The following CSMD1 variants were observed in gnomAD, a reference collection of about 807,000 sequenced individuals.
The protein encoded by CSMD1 is CUB and sushi domain-containing protein 1.
A neutral mutation model predicts 417.5 loss-of-function variants in CSMD1; 213 were observed. The ratio of observed to expected loss-of-function variants is 0.51; its 90% CI spans 0.46 to 0.57. The LOEUF (loss-of-function observed/expected upper bound fraction) is 0.57, where lower values mean the gene tolerates loss of function less well. Ranked by LOEUF, CSMD1 falls within the 20% of genes least tolerant of loss-of-function variation. The probability of loss-of-function intolerance (pLI) is 0.00; values close to 1 mark genes in which losing one functional copy is unlikely to be tolerated. For missense variants in CSMD1, 6,923 were observed against 4,529.7 expected (o/e 1.53, Z -15.17); for synonymous variants, 2,862 against 1,736.8 (o/e 1.65, Z -16.11).
At chr8:3,861,094 T>G (rs1008297417) in intron 5 of CSMD1, among the ~76,000 whole-genome samples, 2 of 152,174 alleles carry the variant, frequency 1.3e-5, no homozygotes, top group South Asian at 4.1e-4. Flanking sequence ...CAACTTCTAG[T>G]GAGCTCGAAA....
intron 3 of CSMD1, among the ~76,000 whole-genome samples, chr8:4,189,923 A>T (rs1174441751): frequency 6.7e-6 from 1 of 149,954 alleles, no homozygotes; most frequent in East Asian, 1.9e-4. Context: ...TCTTTTGCAT[A>T]TTTTTTTTTT....
Position 4,690,549 on chromosome 8 carries a change from G to A in CSMD1, c.86-52991C>T, listed in dbSNP as rs549776919. Among the ~76,000 whole-genome samples the A allele has an allele frequency of 2.2e-4, 33 of 152,112 alleles. No individual in the cohort carries two copies. The South Asian group carries it at 2.5e-3, about 11-fold the overall frequency. On this transcript the variant is annotated intron_variant, in intron 1 of 69. Coordinates refer to ENST00000635120, the MANE Select transcript of CSMD1 (RefSeq NM_033225.6). ...GAAAATCTATCTGTCATGACACATC[G>A]CACTTCAGAAAAAGGATGAATTCTA... is the stretch of plus-strand genomic sequence containing the variant.
Position 3,275,565 on chromosome 8 carries a change from A to G in CSMD1, c.4153+8579T>C, listed in dbSNP as rs945065757. Among the ~76,000 whole-genome samples, 11 of 152,150 alleles carry G rather than the reference A, an allele frequency of 7.2e-5. No individual in the cohort carries two copies. The South Asian group carries it at 2.1e-3, about 29-fold the overall frequency. On this transcript the variant is annotated intron_variant, in intron 26 of 69. Coordinates refer to ENST00000635120, the MANE Select transcript of CSMD1 (RefSeq NM_033225.6). ...ATTGTCCCTGTCTCTTTCAGGTACGACAATCAGACGTAGATTCAGTCTTTT... is the reference window on the plus strand; with the variant it reads ...ATTGTCCCTGTCTCTTTCAGGTACGGCAATCAGACGTAGATTCAGTCTTTT...
chr8:3,451,449 G>T (rs1020406553), intron 12 of CSMD1, among the ~76,000 whole-genome samples: 3 of 152,162 alleles, frequency 2.0e-5, no homozygotes, highest in Non-Finnish European at 4.4e-5. Flanking sequence ...ATGGTTTTAG[G>T]GCTAACATTT....
chr8:3,477,889 G>A (rs576046299), intron 11 of CSMD1, among the ~76,000 whole-genome samples: 25 of 152,174 alleles, frequency 1.6e-4, no homozygotes, highest in Non-Finnish European at 1.5e-4. Flanking sequence ...CACTGCAGAG[G>A]GCCAGGGCAG....
In CSMD1 at chr8:4,434,218, A is replaced by G. The variant is rs186207673; in HGVS notation, c.303-14153T>C. On this transcript the variant is annotated intron_variant, in intron 2 of 69. Coordinates refer to ENST00000635120, the MANE Select transcript of CSMD1 (RefSeq NM_033225.6). ...CCAGGCATGGTAATGAGCACCTGTA[A>G]TCCCAGCTAATTCCATAGGGTGTGG... Among the ~76,000 whole-genome samples, 280 of 152,232 alleles carry G rather than the reference A, an allele frequency of 1.8e-3. 1 individual carries two copies. The highest frequency in any genetic ancestry group is 6.5e-3 in the African/African-American group (272 of 41,554).
intron 9 of CSMD1, 104 bp from the exon 10 acceptor site, chr8:3,575,170 TA>T (rs11352452): frequency 0.31 from 244,212 of 798,540 alleles, 13,151 homozygotes; most frequent in African/African-American, 0.37. Context: ...CTAATCACAG[TA>T]AAAAAAAAAA....
chr8:4,949,843 G>T (rs934446977), intron 1 of CSMD1, among the ~76,000 whole-genome samples: 2 of 152,230 alleles, frequency 1.3e-5, no homozygotes, highest in African/African-American at 2.4e-5. Flanking sequence ...TATATATATA[G>T]AGAGAATATA....
At chr8:4,907,620 C>CA (rs1184389108) in intron 1 of CSMD1, among the ~76,000 whole-genome samples, 1 of 152,040 alleles carries the variant, frequency 6.6e-6, no homozygotes, top group South Asian at 2.1e-4. Flanking sequence ...AGTGCAGTGG[C>CA]AAAAACATGG....
At chr8:3,464,414 TTTC>T (rs1415781280) in intron 12 of CSMD1, among the ~76,000 whole-genome samples, 1 of 152,080 alleles carries the variant, frequency 6.6e-6, no homozygotes, top group Non-Finnish European at 1.5e-5. Context: ...CATAGGGATT[TTTC>T]TTTATTTTCT....
rs1019088677 is a variant in CSMD1, at chr8:4,128,137, C to T, written c.416-96038G>A. On this transcript the variant is annotated intron_variant, in intron 3 of 69. Coordinates refer to ENST00000635120, the MANE Select transcript of CSMD1 (RefSeq NM_033225.6). ...AACACTGTCAGGCCAGCACTCCCAC[C>T]CCCACCTCTGGAGAAAAGTTTGCAC... Among the ~76,000 whole-genome samples the T allele has an allele frequency of 5.9e-5, 9 of 152,218 alleles. No homozygotes were observed. The East Asian group carries it at 1.6e-3, about 26-fold the overall frequency.
intron 10 of CSMD1, among the ~76,000 whole-genome samples, chr8:3,566,294 G>C (rs972093570): frequency 6.6e-6 from 1 of 152,152 alleles, no homozygotes; most frequent in Non-Finnish European, 1.5e-5. Flanking sequence ...GGAGGACTTA[G>C]TATTTGGCAA....
intron 17 of CSMD1, among the ~76,000 whole-genome samples, chr8:3,391,146 A>T (rs1481359521): frequency 6.7e-6 from 1 of 148,410 alleles, no homozygotes; most frequent in African/African-American, 2.5e-5. Flanking sequence ...TCCTTTTCTG[A>T]TCATATAAAA....
intron 3 of CSMD1, among the ~76,000 whole-genome samples, chr8:4,280,759 A>G (rs1364767036): frequency 2.6e-5 from 4 of 152,236 alleles, no homozygotes; most frequent in African/African-American, 9.6e-5. Flanking sequence ...CATATTTTTA[A>G]AAACATGTTA....
intron 5 of CSMD1, among the ~76,000 whole-genome samples, chr8:3,827,482 T>C (rs926651862): frequency 6.6e-6 from 1 of 152,234 alleles, no homozygotes; most frequent in Non-Finnish European, 1.5e-5. Context: ...TTTCACGACG[T>C]GGTTTTTAAC....
intron 1 of CSMD1, among the ~76,000 whole-genome samples, chr8:4,647,619 T>A (rs529613373): frequency 1.8e-4 from 27 of 152,066 alleles, no homozygotes; most frequent in African/African-American, 5.8e-4. Context: ...TCTGTATCTA[T>A]GTGTTCTCAT....
At chr8:4,047,374 G>T (rs1487736811) in intron 3 of CSMD1, among the ~76,000 whole-genome samples, 1 of 152,116 alleles carries the variant, frequency 6.6e-6, no homozygotes, top group African/African-American at 2.4e-5. Flanking sequence ...TCATGGAATA[G>T]GAACAATCTT....
At chr8:4,179,494 T>C (rs1404663559) in intron 3 of CSMD1, among the ~76,000 whole-genome samples, 1 of 150,828 alleles carries the variant, frequency 6.6e-6, no homozygotes, top group African/African-American at 2.4e-5. Flanking sequence ...AACCTAGGCA[T>C]TACCATTCAG....
chr8:4,807,663 C>A (rs747437629), intron 1 of CSMD1, among the ~76,000 whole-genome samples: 1 of 152,112 alleles, frequency 6.6e-6, no homozygotes, highest in African/African-American at 2.4e-5. Context: ...TACATGCACA[C>A]GTACATACAT....
Sources: allele counts gnomAD v4.1 joint callset (sites outside exome capture counted in the v4.1 genomes callset), GRCh38; gene constraint gnomAD v4.1.1; transcripts MANE v1.5; gene names NCBI Gene and HGNC (gene_info 2026-07-23, HGNC 2026-07-21).